The following PHF21A variants were observed in gnomAD, a reference collection of about 807,000 sequenced individuals.
The protein encoded by PHF21A is PHD finger protein 21A.
Under a neutral mutation model 82.5 loss-of-function variants are expected in PHF21A, and 11 were observed. The observed-to-expected ratio is 0.13, with a 90% CI of 0.08 to 0.22. The LOEUF (loss-of-function observed/expected upper bound fraction) is 0.22. PHF21A is among the 10% of genes least tolerant of loss of function. PHF21A has a pLI of 1.00. For missense variants in PHF21A, 579 were observed against 837.8 expected, an observed-to-expected ratio of 0.69 and a Z score of 3.81; for synonymous variants, 297 against 302.8, an observed-to-expected ratio of 0.98 and a Z score of 0.20.
intron 6 of PHF21A, among the ~76,000 whole-genome samples, chr11:45,981,940 CTTTTTT>C (rs754937092): frequency 3.8e-5 from 3 of 78,278 alleles, no homozygotes; most frequent in African/African-American, 4.9e-5. Context: ...TTTTGTTTTT[CTTTTTT>C]TTTTTTTTTT....
chr11:45,953,307 C>A (rs915589666), intron 11 of PHF21A, among the ~76,000 whole-genome samples: 4 of 152,214 alleles, frequency 2.6e-5, no homozygotes, highest in Non-Finnish European at 5.9e-5. Flanking sequence ...TTGATACAAT[C>A]AAAATGCCTA....
intron 1 of PHF21A, among the ~76,000 whole-genome samples, chr11:46,113,361 G>A (rs1333987164): frequency 6.6e-6 from 1 of 152,072 alleles, no homozygotes; most frequent in Non-Finnish European, 1.5e-5. Context: ...ACCGGAAAAA[G>A]TATCAATATT....
intron 15 of PHF21A, among the ~76,000 whole-genome samples, chr11:45,939,034 G>A (rs560858296): frequency 4.6e-5 from 7 of 152,100 alleles, no homozygotes; most frequent in Admixed American, 3.9e-4. Flanking sequence ...GGGGTTTCAC[G>A]TGTTAGCCAG....
chr11:46,043,502 T>C, intron 6 of PHF21A, among the ~76,000 whole-genome samples: 1 of 152,140 alleles, frequency 6.6e-6, no homozygotes, highest in East Asian at 1.9e-4. Context: ...TAGTTATTAA[T>C]ATCTGCAATG....
At chr11:46,111,608 A>T (rs1242637796) in intron 1 of PHF21A, among the ~76,000 whole-genome samples, 1 of 152,236 alleles carries the variant, frequency 6.6e-6, no homozygotes, top group Non-Finnish European at 1.5e-5. Context: ...CTAAGCAAGT[A>T]AGAAAGGCAC....
chr11:45,949,275 C>T, intron 13 of PHF21A, 127 bp downstream of exon 13: 1 of 782,186 alleles, frequency 1.3e-6, no homozygotes, highest in Non-Finnish European at 2.2e-6. Context: ...AAAAATCTAC[C>T]ACTTCACAGA....
intron 6 of PHF21A, among the ~76,000 whole-genome samples, chr11:46,030,041 A>G (rs1436586384): frequency 1.3e-5 from 2 of 152,252 alleles, no homozygotes; most frequent in South Asian, 2.1e-4. Flanking sequence ...CTGTACAAGA[A>G]GAGAGCCCTG....
rs540852784 is a variant in PHF21A at position 45,941,668 on chromosome 11, G to C, written c.1453-3356C>G. ...CGGCTCTTTGCCTAAAAAGAGCAGA[G>C]GAAGTCCTACGGAGGCACCATACCA... On this transcript the variant is annotated intron_variant, in intron 15 of 18. Coordinates refer to ENST00000676320, the MANE Select transcript of PHF21A (RefSeq NM_001352027.3). Among the ~76,000 whole-genome samples the C allele has an allele frequency of 7.7e-4, 118 of 152,288 alleles. No homozygotes were observed. The South Asian group carries it at 0.011, about 15-fold the overall frequency.
intron 1 of PHF21A, among the ~76,000 whole-genome samples, chr11:46,095,247 G>C (rs1288373645): frequency 6.6e-6 from 1 of 151,908 alleles, no homozygotes; most frequent in Non-Finnish European, 1.5e-5. Flanking sequence ...CAAAAAGCAA[G>C]ATCTATACAC....
At chr11:46,068,324 G>A (rs2096618371) in intron 6 of PHF21A, among the ~76,000 whole-genome samples, 1 of 152,058 alleles carries the variant, frequency 6.6e-6, no homozygotes, top group Non-Finnish European at 1.5e-5. Flanking sequence ...AGTCTGAAAA[G>A]CACAGATCCT....
At chr11:46,019,814 TAAG>T (rs1565572778) in intron 6 of PHF21A, among the ~76,000 whole-genome samples, 1 of 152,138 alleles carries the variant, frequency 6.6e-6, no homozygotes, top group Non-Finnish European at 1.5e-5. Flanking sequence ...CAGAAGCAAG[TAAG>T]AAATATTACA....
intron 10 of PHF21A, among the ~76,000 whole-genome samples, chr11:45,954,371 C>T (rs2092456668): frequency 6.6e-6 from 1 of 152,158 alleles, no homozygotes; most frequent in African/African-American, 2.4e-5. Flanking sequence ...AAACATCTCA[C>T]ATACACAGTC....
At chr11:45,939,771 CA>C (rs56931455) in intron 15 of PHF21A, among the ~76,000 whole-genome samples, 19,957 of 61,004 alleles carry the variant, frequency 0.33, 1,672 homozygotes, top group East Asian at 0.58. Flanking sequence ...GAACATAGCC[CA>C]AAAAAAAAAA....
At chr11:46,008,182 C>T (rs950960561) in intron 6 of PHF21A, among the ~76,000 whole-genome samples, 3 of 152,174 alleles carry the variant, frequency 2.0e-5, no homozygotes, top group African/African-American at 7.2e-5. Flanking sequence ...TACTCACATA[C>T]GCCCATACAC....
chr11:46,086,692 A>AT (rs1173712041), intron 3 of PHF21A, among the ~76,000 whole-genome samples: 1 of 152,178 alleles, frequency 6.6e-6, no homozygotes, highest in Non-Finnish European at 1.5e-5. Context: ...ATTCCTTATA[A>AT]TTTTTGTCAA....
intron 6 of PHF21A, among the ~76,000 whole-genome samples, chr11:46,047,511 G>A (rs1027720358): frequency 1.3e-5 from 2 of 152,034 alleles, no homozygotes; most frequent in Non-Finnish European, 2.9e-5. Flanking sequence ...TTTTAGTTAG[G>A]AAGCATTATT....
At chr11:46,096,824 C>T (rs2097003832) in intron 1 of PHF21A, among the ~76,000 whole-genome samples, 1 of 152,102 alleles carries the variant, frequency 6.6e-6, no homozygotes, top group African/African-American at 2.4e-5. Context: ...ACTCATATAC[C>T]CAACTGCCCA....
chr11:46,063,400 C>T (rs1592692503), intron 6 of PHF21A, among the ~76,000 whole-genome samples: 1 of 152,192 alleles, frequency 6.6e-6, no homozygotes, highest in African/African-American at 2.4e-5. Flanking sequence ...ATAGTAACTA[C>T]TGTAAGGCCA....
intron 7 of PHF21A, among the ~76,000 whole-genome samples, chr11:45,975,990 G>A (rs1049387430): frequency 6.6e-6 from 1 of 151,548 alleles, no homozygotes; most frequent in African/African-American, 2.4e-5. Context: ...TTTAATATAT[G>A]CCATATATAA....
Sources: gnomAD v4.1 joint callset for allele counts (sites outside exome capture counted in the v4.1 genomes callset) on GRCh38, gnomAD v4.1.1 for gene constraint, MANE v1.5 for transcripts, NCBI Gene and HGNC (gene_info 2026-07-23, HGNC 2026-07-21) for gene names.